Variants in ROBO2 observed in about 807,000 individuals in gnomAD.
ROBO2 encodes the protein roundabout guidance receptor 2.
Under a neutral mutation model 160.8 loss-of-function variants are expected in ROBO2, and 53 were observed. That is an observed-to-expected ratio of 0.33 (90% CI 0.26 to 0.41). The LOEUF is 0.41. ROBO2 is among the 10% of genes least tolerant of loss of function. The probability of loss-of-function intolerance (pLI) is 1.00; values close to 1 mark genes in which losing one functional copy is unlikely to be tolerated. For missense variants in ROBO2, 1,577 were observed against 1,722.4 expected (o/e 0.92, Z 1.49); for synonymous variants, 664 against 611.7 (o/e 1.09, Z -1.26).
chr3:77,574,605 C>T (rs1478180326), exon 14 of ROBO2: 2 of 1,613,266 alleles, frequency 1.2e-6, no homozygotes, highest in Admixed American at 1.7e-5. Flanking sequence ...AAAGTCCCGA[C>T]TGAACGAAGT....
intron 2 of ROBO2, among the ~76,000 whole-genome samples, chr3:76,072,928 A>G (rs182274636): frequency 4.1e-4 from 63 of 152,350 alleles, no homozygotes; most frequent in African/African-American, 1.5e-3. Context: ...AATCAATAAT[A>G]GAAAGTACCT....
In ROBO2 at chr3:77,477,582, T is replaced by C. The variant is rs2084169380; in HGVS notation, c.546+11T>C. Reference sequence around the variant, plus strand: ...GAAGAAAGAATAAGTGTGAGTTAAATTAAAATCATGGCCCAGAGAGATTGA... The same window carrying C: ...GAAGAAAGAATAAGTGTGAGTTAAACTAAAATCATGGCCCAGAGAGATTGA... On this transcript the variant is annotated intron_variant, in intron 3 of 25. Transcript: ENST00000461745. 2.5e-6 allele frequency: 4 copies of C among 1,612,884 alleles called. No individual in the cohort carries two copies. The highest frequency in any genetic ancestry group is 1.3e-5 in the African/African-American group (1 of 74,876).
intron 2 of ROBO2, among the ~76,000 whole-genome samples, chr3:77,289,363 C>CG (rs1250668877): frequency 2.0e-5 from 3 of 151,720 alleles, no homozygotes; most frequent in Admixed American, 2.0e-4. Context: ...AACGGGTAAG[C>CG]TGAGACTAGA....
At chr3:76,201,675 G>A (rs558762941) in intron 2 of ROBO2, among the ~76,000 whole-genome samples, 4 of 152,032 alleles carry the variant, frequency 2.6e-5, no homozygotes, top group Non-Finnish European at 2.9e-5. Flanking sequence ...GGAAGCAGAC[G>A]GCCATAAACT....
intron 2 of ROBO2, among the ~76,000 whole-genome samples, chr3:77,110,050 A>C (rs955518860): frequency 6.6e-6 from 1 of 152,206 alleles, no homozygotes; most frequent in Non-Finnish European, 1.5e-5. Context: ...TTATTTAGTT[A>C]CATATTGACA....
intron 2 of ROBO2, among the ~76,000 whole-genome samples, chr3:76,397,035 A>G (rs1441721498): frequency 6.6e-6 from 1 of 152,192 alleles, no homozygotes; most frequent in East Asian, 1.9e-4. Flanking sequence ...AAGCCAAAAG[A>G]ACAAAGCTGG....
intron 2 of ROBO2, among the ~76,000 whole-genome samples, chr3:77,143,407 G>A (rs1331143061): frequency 6.6e-6 from 1 of 151,756 alleles, no homozygotes; most frequent in African/African-American, 2.4e-5. Flanking sequence ...TGTTGGCCAG[G>A]TTGTTCTTGA....
intron 6 of ROBO2, among the ~76,000 whole-genome samples, chr3:77,534,399 C>T (rs74664348): frequency 0.011 from 1,728 of 151,836 alleles, 43 homozygotes; most frequent in African/African-American, 0.039. Context: ...AGGCCCAAAA[C>T]GGTATGAGGA....
chr3:77,188,983 G>GAAAGAGAGAA (rs1553829033), intron 2 of ROBO2, among the ~76,000 whole-genome samples: 2 of 148,370 alleles, frequency 1.3e-5, no homozygotes, highest in Non-Finnish European at 3.0e-5. Flanking sequence ...GAGAGAGAGA[G>GAAAGAGAGAA]AGAGAGAGAG....
At chr3:77,232,270 G>T (rs2087317936) in intron 2 of ROBO2, among the ~76,000 whole-genome samples, 1 of 152,074 alleles carries the variant, frequency 6.6e-6, no homozygotes, top group East Asian at 1.9e-4. Context: ...AATGGAGTAG[G>T]TGGCCAGGGA....
In ROBO2 at chr3:76,219,262, T is replaced by C. The variant is rs560266087; in HGVS notation, c.109+281660T>C. ...GGCAATACCATTCAGGACATAGGCA[T>C]GGGCAAGGACTTCATGTCTAAAACA... On this transcript the variant is annotated intron_variant, in intron 2 of 26. Transcript: ENST00000487694. Among the ~76,000 whole-genome samples, 24 of 152,294 alleles carry C rather than the reference T, an allele frequency of 1.6e-4. No individual in the cohort carries two copies. The East Asian group carries it at 4.6e-3, about 29-fold the overall frequency.
chr3:76,681,242 A>T (rs1005704003), intron 2 of ROBO2, among the ~76,000 whole-genome samples: 1 of 152,194 alleles, frequency 6.6e-6, no homozygotes, highest in Non-Finnish European at 1.5e-5. Context: ...CCAACACTAT[A>T]AAGTATCGTC....
At chr3:77,190,588 C>T (rs1035950745) in intron 2 of ROBO2, among the ~76,000 whole-genome samples, 3 of 151,914 alleles carry the variant, frequency 2.0e-5, no homozygotes, top group East Asian at 1.9e-4. Context: ...GAAAAACAAG[C>T]AGGATCTTGG....
chr3:76,152,549 T>G (rs1289329364), intron 2 of ROBO2, among the ~76,000 whole-genome samples: 1 of 152,138 alleles, frequency 6.6e-6, no homozygotes, highest in Non-Finnish European at 1.5e-5. Context: ...CCTTCTAATG[T>G]GTGCATTTGT....
chr3:77,136,535 G>C (rs1010037326), intron 2 of ROBO2, among the ~76,000 whole-genome samples: 3 of 127,084 alleles, frequency 2.4e-5, no homozygotes, highest in Non-Finnish European at 3.1e-5. Flanking sequence ...CTGTCACACA[G>C]ACTGGAATGA....
chr3:77,416,200 G>A (rs1406818487), intron 2 of ROBO2, among the ~76,000 whole-genome samples: 1 of 152,188 alleles, frequency 6.6e-6, no homozygotes, highest in Non-Finnish European at 1.5e-5. Flanking sequence ...GTATCCCAAT[G>A]TGTGCCTGAG....
chr3:77,463,470 G>T (rs988532836), intron 2 of ROBO2, among the ~76,000 whole-genome samples: 10 of 151,982 alleles, frequency 6.6e-5, no homozygotes, highest in African/African-American at 2.2e-4. Flanking sequence ...TATTCATAGC[G>T]ATGATCGCTT....
At chr3:77,204,623 T>C (rs1347026021) in intron 2 of ROBO2, among the ~76,000 whole-genome samples, 1 of 152,206 alleles carries the variant, frequency 6.6e-6, no homozygotes, top group Non-Finnish European at 1.5e-5. Context: ...AAATAGTTAA[T>C]AATTTTTCTA....
chr3:76,440,570 A>C (rs2076881053), intron 2 of ROBO2, among the ~76,000 whole-genome samples: 1 of 152,180 alleles, frequency 6.6e-6, no homozygotes, highest in Admixed American at 6.5e-5. Context: ...GAAGGCAAGT[A>C]AAATACAATT....
Sources: allele counts gnomAD v4.1 joint callset (sites outside exome capture counted in the v4.1 genomes callset), GRCh38; gene constraint gnomAD v4.1.1; transcripts MANE v1.5; gene names NCBI Gene and HGNC (gene_info 2026-07-23, HGNC 2026-07-21).